The following TCF7L1 variants were observed in gnomAD, a reference collection of about 807,000 sequenced individuals.
The protein encoded by TCF7L1 is transcription factor 7 like 1.
A neutral mutation model predicts 63.7 loss-of-function variants in TCF7L1; 18 were observed. The ratio of observed to expected loss-of-function variants is 0.28; its 90% CI spans 0.20 to 0.42. The LOEUF (loss-of-function observed/expected upper bound fraction) is 0.42, where lower values mean the gene tolerates loss of function less well. Among genes scored for constraint, TCF7L1 ranks in the 10% least tolerant of loss-of-function variants. The pLI is 1.00. For synonymous variants in TCF7L1, 355 were observed against 340.9 expected (o/e 1.04, Z -0.46); for missense variants, 654 against 779.3 (o/e 0.84, Z 1.91).
chr2:85,226,921 G>A (rs1057375233), intron 3 of TCF7L1, among the ~76,000 whole-genome samples: 1 of 150,890 alleles, frequency 6.6e-6, no homozygotes, highest in Non-Finnish European at 1.5e-5. Context: ...TGAACACAAG[G>A]TCTTGCTTCT....
At chr2:85,268,041 T>C (rs541252817) in intron 3 of TCF7L1, among the ~76,000 whole-genome samples, 24 of 152,370 alleles carry the variant, frequency 1.6e-4, no homozygotes, top group Admixed American at 1.3e-3. Flanking sequence ...TGTTTTTGTT[T>C]GTTTTTTAAT....
At chr2:85,221,931 T>TAAA (rs58252836) in intron 3 of TCF7L1, among the ~76,000 whole-genome samples, 1 of 142,000 alleles carries the variant, frequency 7.0e-6, no homozygotes, top group Non-Finnish European at 1.5e-5. Context: ...AATCCAGACT[T>TAAA]AAAAAAAAAA....
intron 3 of TCF7L1, among the ~76,000 whole-genome samples, chr2:85,227,992 CAAAAAAAA>C (rs34769307): frequency 5.2e-4 from 41 of 79,528 alleles, no homozygotes; most frequent in African/African-American, 1.8e-3. Context: ...ACCCTGTCTC[CAAAAAAAA>C]AAAAAAAAAA....
At chr2:85,194,481 T>C (rs1679107192) in intron 3 of TCF7L1, among the ~76,000 whole-genome samples, 2 of 152,080 alleles carry the variant, frequency 1.3e-5, no homozygotes, top group Non-Finnish European at 2.9e-5. Flanking sequence ...AGAAACCAAG[T>C]CTGCCAGGAG....
At chr2:85,212,491 G>A (rs890590957) in intron 3 of TCF7L1, among the ~76,000 whole-genome samples, 1 of 152,312 alleles carries the variant, frequency 6.6e-6, no homozygotes, top group South Asian at 2.1e-4. Context: ...TCATGTGCTT[G>A]CTCTGTGGGT....
At chr2:85,269,262 A>T (rs779593485) in intron 3 of TCF7L1, among the ~76,000 whole-genome samples, 7 of 152,160 alleles carry the variant, frequency 4.6e-5, no homozygotes, top group Admixed American at 4.6e-4. Flanking sequence ...TTTGCCACAT[A>T]CCACCTATAC....
chr2:85,299,352 C>G lies in TCF7L1; in HGVS notation c.526-3132C>G, dbSNP rs561813985. Reference sequence around the variant, plus strand: ...ATCGCCTGATGTCAGGAGTTCAAAACCAGCCTGGCCAACATGGTGAAACCC... The same window carrying G: ...ATCGCCTGATGTCAGGAGTTCAAAAGCAGCCTGGCCAACATGGTGAAACCC... On this transcript the variant is annotated intron_variant, in intron 4 of 11. Coordinates refer to ENST00000282111, the MANE Select transcript of TCF7L1 (RefSeq NM_031283.3). 2.0e-5 allele frequency among the ~76,000 whole-genome samples: 3 copies of G among 149,022 alleles called. No homozygotes were observed. In the South Asian group the frequency reaches 6.4e-4, roughly 32 times the overall value.
At chr2:85,201,923 C>A (rs927786298) in intron 3 of TCF7L1, among the ~76,000 whole-genome samples, 3 of 150,898 alleles carry the variant, frequency 2.0e-5, no homozygotes, top group Non-Finnish European at 4.4e-5. Flanking sequence ...AATGTCTATT[C>A]AAGTCTTTTG....
At chr2:85,190,274 G>C (rs139086452) in intron 3 of TCF7L1, among the ~76,000 whole-genome samples, 1 of 152,148 alleles carries the variant, frequency 6.6e-6, no homozygotes, top group Non-Finnish European at 1.5e-5. Context: ...TGAAAAGACT[G>C]GGCTCACCTC....
At chr2:85,192,125 A>G (rs1264919700) in intron 3 of TCF7L1, among the ~76,000 whole-genome samples, 1 of 152,198 alleles carries the variant, frequency 6.6e-6, no homozygotes, top group Non-Finnish European at 1.5e-5. Flanking sequence ...CAGTTAGCTG[A>G]GGGGCAGTGG....
chr2:85,307,794 C>T (rs1302330381), intron 11 of TCF7L1, 77 bp downstream of exon 11: 5 of 1,349,286 alleles, frequency 3.7e-6, no homozygotes, highest in African/African-American at 1.4e-5. Flanking sequence ...GTCTCTAGCT[C>T]CCTGATGGGT....
intron 3 of TCF7L1, among the ~76,000 whole-genome samples, chr2:85,151,354 A>G (rs1042394975): frequency 2.0e-5 from 3 of 152,200 alleles, no homozygotes; most frequent in Admixed American, 6.5e-5. Context: ...CTTGAAAATT[A>G]TTAGATTTAG....
chr2:85,182,919 T>C (rs1678836586), intron 3 of TCF7L1, among the ~76,000 whole-genome samples: 1 of 152,162 alleles, frequency 6.6e-6, no homozygotes, highest in Non-Finnish European at 1.5e-5. Flanking sequence ...AGAATCTGCA[T>C]TGCCAACAAG....
chr2:85,281,655 G>T (rs1482093106), intron 3 of TCF7L1, among the ~76,000 whole-genome samples: 1 of 152,110 alleles, frequency 6.6e-6, no homozygotes, highest in Admixed American at 6.5e-5. Flanking sequence ...AGGGGTGGGG[G>T]TACAGAGGTC....
At chr2:85,208,439 C>T (rs1249127785) in intron 3 of TCF7L1, among the ~76,000 whole-genome samples, 1 of 152,018 alleles carries the variant, frequency 6.6e-6, no homozygotes, top group Non-Finnish European at 1.5e-5. Flanking sequence ...GCAGATAAAG[C>T]AGAGTAAGGC....
intron 4 of TCF7L1, among the ~76,000 whole-genome samples, chr2:85,290,390 G>A (rs1017506332): frequency 3.3e-5 from 5 of 152,114 alleles, no homozygotes; most frequent in Non-Finnish European, 5.9e-5. Flanking sequence ...TGCTCAGGCT[G>A]GCCTTGCACT....
chr2:85,142,356 T>G (rs1283362158), intron 3 of TCF7L1, among the ~76,000 whole-genome samples: 1 of 151,072 alleles, frequency 6.6e-6, no homozygotes, highest in Admixed American at 6.6e-5. Context: ...GCATGGAGGT[T>G]GTAGTGAGCC....
intron 3 of TCF7L1, among the ~76,000 whole-genome samples, chr2:85,154,205 G>A (rs1441442970): frequency 6.6e-6 from 1 of 152,198 alleles, no homozygotes; most frequent in Non-Finnish European, 1.5e-5. Flanking sequence ...TTATAGGCCT[G>A]TGCCAAGGAA....
rs193181415 is a variant in TCF7L1, at chr2:85,177,037, T to C, written c.441+42587T>C. On this transcript the variant is annotated intron_variant, in intron 3 of 11. Coordinates refer to ENST00000282111, the MANE Select transcript of TCF7L1 (RefSeq NM_031283.3). ...CAACCACAAAGTGCCAGAGGGTGAGTGGACTATAAACTGCAGACATTTATT... is the reference window on the plus strand; with the variant it reads ...CAACCACAAAGTGCCAGAGGGTGAGCGGACTATAAACTGCAGACATTTATT... 2.1e-5 allele frequency among the ~76,000 whole-genome samples: 3 copies of C among 141,926 alleles called. No homozygotes were observed. In the Admixed American group the frequency reaches 2.1e-4, roughly 10 times the overall value. The allele number at this position is 141,926 out of a possible 152,430, so 93.1% of individuals were successfully genotyped here. A position where few individuals can be genotyped will look rare whatever the true frequency, so the allele number is the denominator to read the frequency against.
Sources: gnomAD v4.1 joint callset for allele counts (sites outside exome capture counted in the v4.1 genomes callset) on GRCh38, gnomAD v4.1.1 for gene constraint, MANE v1.5 for transcripts, NCBI Gene and HGNC (gene_info 2026-07-23, HGNC 2026-07-21) for gene names.